The following FBXL5 variants were observed in gnomAD, a reference collection of about 807,000 sequenced individuals.
The protein encoded by FBXL5 is F-box and leucine rich repeat protein 5, also known as F-box/LRR-repeat protein 5.
In FBXL5, 26 loss-of-function variants were observed where a neutral mutation model predicts 78.3. The ratio of observed to expected loss-of-function variants is 0.33; its 90% CI spans 0.24 to 0.46. The LOEUF is 0.46. Ranked by LOEUF, FBXL5 falls within the 20% of genes least tolerant of loss-of-function variation. The pLI, the probability that FBXL5 is intolerant of heterozygous loss-of-function variation, is 1.00. For missense variants in FBXL5, 710 were observed against 829.2 expected (o/e 0.86, Z 1.77); for synonymous variants, 295 against 282.5 (o/e 1.04, Z -0.45).
intron 1 of FBXL5, among the ~76,000 whole-genome samples, chr4:15,674,530 CATA>C (rs1450321048): frequency 6.6e-6 from 1 of 152,068 alleles, no homozygotes; most frequent in African/African-American, 2.4e-5. Context: ...TATATGTAAT[CATA>C]ACTTTTTTCC....
Position 15,647,913 on chromosome 4 carries a change from GCATGAT to G in FBXL5, c.85-3211_85-3206del, listed in dbSNP as rs575302502. ...CTGACACCCAGGCTGCAGTGCAGTG[GCATGAT>G]CATAGCTCACTGCAACCTCAAACTC... On this transcript the variant is annotated intron_variant, in intron 1 of 10. Transcript: ENST00000341285. 2.4e-3 allele frequency among the ~76,000 whole-genome samples: 359 copies of G among 152,276 alleles called. 3 individuals carry two copies. Among genetic ancestry groups the G allele is most frequent in the African/African-American group, 8.3e-3 (344 of 41,548 alleles).
At chr4:15,647,743 G>T (rs966178284) in intron 1 of FBXL5, among the ~76,000 whole-genome samples, 1 of 152,266 alleles carries the variant, frequency 6.6e-6, no homozygotes, top group Non-Finnish European at 1.5e-5. Context: ...TGACTCTAGG[G>T]CAAGATTGCC....
intron 2 of FBXL5, among the ~76,000 whole-genome samples, chr4:15,642,630 T>G (rs189468833): frequency 1.3e-5 from 2 of 152,364 alleles, no homozygotes; most frequent in East Asian, 3.9e-4. Flanking sequence ...CTTCCCAATA[T>G]TCAGTCTAAT....
chr4:15,612,629 GA>G (rs1722346284), intron 9 of FBXL5, among the ~76,000 whole-genome samples: 1 of 151,968 alleles, frequency 6.6e-6, no homozygotes, highest in Non-Finnish European at 1.5e-5. Context: ...ATTCAATAAA[GA>G]AATCTATAAA....
intron 2 of FBXL5, among the ~76,000 whole-genome samples, chr4:15,643,138 A>G (rs1715060550): frequency 6.6e-6 from 1 of 152,206 alleles, no homozygotes; most frequent in East Asian, 1.9e-4. Context: ...TATTAATATT[A>G]CTATCTAGTA....
chr4:15,675,338 A>G (rs1048832806), intron 1 of FBXL5, among the ~76,000 whole-genome samples: 2 of 152,240 alleles, frequency 1.3e-5, no homozygotes, highest in East Asian at 3.8e-4. Flanking sequence ...GTGAATAAGT[A>G]CCACAAATAA....
intron 10 of FBXL5, among the ~76,000 whole-genome samples, chr4:15,606,292 T>C (rs1258503386): frequency 6.6e-6 from 1 of 152,196 alleles, no homozygotes; most frequent in Non-Finnish European, 1.5e-5. Flanking sequence ...TTTGCCATAT[T>C]TTTATTTAGT....
intron 1 of FBXL5, among the ~76,000 whole-genome samples, chr4:15,652,114 G>C (rs1318770197): frequency 6.6e-6 from 1 of 152,144 alleles, no homozygotes; most frequent in Non-Finnish European, 1.5e-5. Context: ...CTCACTGACA[G>C]AATTAATGGA....
At chr4:15,677,684 C>T (rs970845033) in intron 1 of FBXL5, among the ~76,000 whole-genome samples, 7 of 152,178 alleles carry the variant, frequency 4.6e-5, no homozygotes, top group Non-Finnish European at 5.9e-5. Context: ...CCTCTGTCCT[C>T]CATACCTTCC....
At position 15,612,526 on chromosome 4, in the gene FBXL5, A is replaced by T. The variant is rs1018507062; in HGVS notation, c.1851-112T>A. ...TACTTTTCAATATGGTAATGAGAAA[A>T]TTTAAGAATTTCTGTAAAACACTGA... On this transcript the variant is annotated intron_variant, in intron 9 of 10. Coordinates refer to ENST00000341285, the MANE Select transcript of FBXL5 (RefSeq NM_012161.4). 9.1e-6 allele frequency: 9 copies of T among 989,392 alleles called. No individual in the cohort carries two copies. The South Asian group carries it at 1.4e-4, about 16-fold the overall frequency. The allele number at this position is 989,392 out of a possible 1,614,324, so 61.3% of individuals were successfully genotyped here.
upstream of FBXL5, chr4:15,656,172 T>A: frequency 2.2e-6 from 1 of 456,088 alleles, no homozygotes; most frequent in Non-Finnish European, 4.4e-6. Context: ...GGAAAGAACC[T>A]TGGTACAAAT....
At chr4:15,641,505 A>G in intron 2 of FBXL5, 3 of 382,150 alleles carry the variant, frequency 7.9e-6, no homozygotes, top group South Asian at 5.9e-5. Context: ...TCTTAGTAAC[A>G]TTCTTTTCTC....
intron 9 of FBXL5, among the ~76,000 whole-genome samples, chr4:15,613,307 C>A (rs1222047339): frequency 6.6e-6 from 1 of 152,104 alleles, no homozygotes. Flanking sequence ...CTAAAAATCA[C>A]TGAATTAATC....
chr4:15,611,376 C>T (rs1348072167), intron 10 of FBXL5, among the ~76,000 whole-genome samples: 1 of 152,014 alleles, frequency 6.6e-6, no homozygotes, highest in Non-Finnish European at 1.5e-5. Flanking sequence ...TGTTGATTTT[C>T]CTGTCATCTT....
At position 15,627,923 on chromosome 4, in the gene FBXL5, A is replaced by C. The variant is rs1226051731; in HGVS notation, c.1003T>G (p.Leu335Val). The change falls in exon 7 of 11, where the codon TTA becomes GTA. Residue 335 changes from leucine to valine, a missense_variant. Around this residue, in one of 4 missense-constraint regions of FBXL5, gnomAD observed 517 missense variants for 542.9 expected, o/e 0.95. Coordinates refer to ENST00000341285, the MANE Select transcript of FBXL5 (RefSeq NM_012161.4). The part of the protein sequence containing the change: ...LPYVGTSVKT[L>V]VLAYSSAVSS... ...ACTGCAGAGCTGTATGCTAATACTA[A>C]GGTTTTTACAGAAGTACCAACATAT... is the stretch of plus-strand genomic sequence containing the variant. The C allele has an allele frequency of 1.2e-6, 2 of 1,613,774 alleles. No homozygotes were observed. Among genetic ancestry groups the C allele is most frequent in the Non-Finnish European group, 1.7e-6 (2 of 1,179,856 alleles).
chr4:15,672,108 A>C (rs1438145309), intron 1 of FBXL5, among the ~76,000 whole-genome samples: 1 of 152,160 alleles, frequency 6.6e-6, no homozygotes, highest in East Asian at 1.9e-4. Flanking sequence ...GAATTCAGTT[A>C]AGCTACTTAG....
intron 2 of FBXL5, chr4:15,641,500 G>T: frequency 2.7e-6 from 1 of 376,538 alleles, no homozygotes; most frequent in Non-Finnish European, 5.1e-6. Flanking sequence ...GATGTTCTTA[G>T]TAACATTCTT....
intron 5 of FBXL5, among the ~76,000 whole-genome samples, chr4:15,635,850 T>G (rs974673135): frequency 6.6e-6 from 1 of 151,316 alleles, no homozygotes; most frequent in East Asian, 1.9e-4. Flanking sequence ...ATTTAACCCA[T>G]AACTGCATTA....
chr4:15,670,100 TCAA>T (rs1717698996), intron 1 of FBXL5, among the ~76,000 whole-genome samples: 3 of 152,238 alleles, frequency 2.0e-5, no homozygotes, highest in African/African-American at 7.2e-5. Flanking sequence ...CATGTGTGTA[TCAA>T]CAGTTCATTC....
Sources: allele counts gnomAD v4.1 joint callset (sites outside exome capture counted in the v4.1 genomes callset), GRCh38; gene constraint gnomAD v4.1.1; regional missense constraint gnomAD v4.1.1; transcripts MANE v1.5; gene names NCBI Gene and HGNC (gene_info 2026-07-23, HGNC 2026-07-21).